The following RGMA variants were observed in gnomAD, a reference collection of about 807,000 sequenced individuals.
RGMA encodes the protein repulsive guidance molecule BMP co-receptor a.
In RGMA, 10 loss-of-function variants were observed where a neutral mutation model predicts 23.2. The observed-to-expected ratio is 0.43, with a 90% CI of 0.27 to 0.73. The LOEUF (loss-of-function observed/expected upper bound fraction) is 0.73, where lower values mean the gene tolerates loss of function less well. Ranked by LOEUF, RGMA falls within the 30% of genes least tolerant of loss-of-function variation. The probability of loss-of-function intolerance (pLI) is 0.20; values close to 1 mark genes in which losing one functional copy is unlikely to be tolerated. For synonymous variants in RGMA, 308 were observed against 279.3 expected (o/e 1.10, Z -1.03); for missense variants, 547 against 630.5 (o/e 0.87, Z 1.42).
chr15:93,052,482 C>T lies in RGMA; in HGVS notation c.156G>A (p.Lys52=), dbSNP rs1374119434. Residue 52 remains lysine, a synonymous_variant, in exon 3 of 4, where the codon AAG becomes AAA. Coordinates refer to ENST00000329082, the MANE Select transcript of RGMA (RefSeq NM_020211.3). ...TGGCGCTCCAGAACTCAGAGTTGCA[C>T]TTGAGGATCTTGCACGGGGAGGTGG... ...PAATSPCKIL[K]CNSEFWSATS... is the part of the protein sequence containing the mutation. The T allele has an allele frequency of 6.3e-7, 1 of 1,577,034 alleles. No individual in the cohort carries two copies. Among genetic ancestry groups the T allele is most frequent in the Non-Finnish European group, 8.6e-7 (1 of 1,162,848 alleles).
chr15:93,065,893 G>C, intron 2 of RGMA: 2 of 719,478 alleles, frequency 2.8e-6, no homozygotes, highest in Non-Finnish European at 5.0e-6. Context: ...AGTGCTCTCT[G>C]TAGGCTGTTG....
intron 2 of RGMA, among the ~76,000 whole-genome samples, chr15:93,056,692 G>A (rs1359866981): frequency 6.6e-6 from 1 of 152,212 alleles, no homozygotes; most frequent in Non-Finnish European, 1.5e-5. Context: ...TGGGTGGGCT[G>A]AGGGCCAGCA....
chr15:93,055,163 G>C (rs73458379), intron 2 of RGMA, among the ~76,000 whole-genome samples: 2 of 152,042 alleles, frequency 1.3e-5, no homozygotes, highest in African/African-American at 4.8e-5. Context: ...AAAATCAACC[G>C]GAAGGAACAC....
chr15:93,084,341 T>C (rs1034164461), intron 1 of RGMA, among the ~76,000 whole-genome samples: 1 of 152,240 alleles, frequency 6.6e-6, no homozygotes, highest in Non-Finnish European at 1.5e-5. Context: ...GGCAGAATGG[T>C]ATTCCGGCAA....
rs947297712 is a variant in RGMA at position 93,043,090 on chromosome 15, T to C, written c.*1908A>G. 3.9e-5 allele frequency: 6 copies of C among 152,318 alleles called. No homozygotes were observed. Among genetic ancestry groups the C allele is most frequent in the Admixed American group, 6.5e-5 (1 of 15,288 alleles). The allele number at this position is 152,318 out of a possible 1,614,324, so 9.4% of individuals were successfully genotyped here. A position where few individuals can be genotyped will look rare whatever the true frequency, so the allele number is the denominator to read the frequency against. On this transcript the variant is annotated 3_prime_UTR_variant, in exon 4 of 4. Transcript: ENST00000329082. Reference sequence around the variant, plus strand: ...TCATCGTGAGGAGGAAAAGTGACTTTACAAAAGCAATGTGTGGTGGCTGTT... The same window carrying C: ...TCATCGTGAGGAGGAAAAGTGACTTCACAAAAGCAATGTGTGGTGGCTGTT...
At chr15:93,053,694 G>A (rs1484505168) in intron 2 of RGMA, among the ~76,000 whole-genome samples, 1 of 152,160 alleles carries the variant, frequency 6.6e-6, no homozygotes, top group Non-Finnish European at 1.5e-5. Flanking sequence ...GTGCAGCCCT[G>A]GACCTGGGTG....
At chr15:93,059,997 G>A (rs933261477) in intron 2 of RGMA, among the ~76,000 whole-genome samples, 1 of 152,212 alleles carries the variant, frequency 6.6e-6, no homozygotes, top group African/African-American at 2.4e-5. Context: ...AAGCTGCGTT[G>A]AACACAGAGC....
intron 3 of RGMA, among the ~76,000 whole-genome samples, chr15:93,046,982 C>T (rs938613190): frequency 5.3e-5 from 8 of 152,214 alleles, no homozygotes; most frequent in Non-Finnish European, 1.0e-4. Context: ...CTTCCAGTCT[C>T]GTGTGACACT....
chr15:93,073,773 C>T, intron 1 of RGMA: 1 of 1,536,978 alleles, frequency 6.5e-7, no homozygotes, highest in Non-Finnish European at 8.7e-7. Flanking sequence ...TGGGTTTGGC[C>T]TGCCTCCAGC....
intron 2 of RGMA, among the ~76,000 whole-genome samples, chr15:93,067,865 C>T (rs971683793): frequency 1.1e-4 from 17 of 151,988 alleles, no homozygotes; most frequent in African/African-American, 4.1e-4. Context: ...TGGCGAGGAT[C>T]GGGGGAGGCA....
rs141459001 is a variant in RGMA at position 93,064,239 on chromosome 15, C to A, written c.130+8677G>T. On this transcript the variant is annotated intron_variant, in intron 2 of 3. Transcript: ENST00000329082. ...AAGGGCTGGACACAGGATTCCACGCCGGCACCATCCTGTCTCAGGGCAGAG... is the reference window on the plus strand; with the variant it reads ...AAGGGCTGGACACAGGATTCCACGCAGGCACCATCCTGTCTCAGGGCAGAG... Among the ~76,000 whole-genome samples, 422 of 152,342 alleles carry A rather than the reference C, an allele frequency of 2.8e-3. 1 individual carries two copies. The highest frequency in any genetic ancestry group is 9.7e-3 in the African/African-American group (402 of 41,572).
intron 2 of RGMA, among the ~76,000 whole-genome samples, chr15:93,055,821 T>C (rs2055004719): frequency 6.6e-6 from 1 of 152,102 alleles, no homozygotes; most frequent in Non-Finnish European, 1.5e-5. Flanking sequence ...ACCCTCCAAA[T>C]GGGTAACTCC....
chr15:93,064,066 C>T (rs1038425331), intron 2 of RGMA, among the ~76,000 whole-genome samples: 3 of 152,198 alleles, frequency 2.0e-5, no homozygotes. Flanking sequence ...ACCCTCCCAT[C>T]CCCCAGTTCC....
chr15:93,078,754 G>A (rs1895513035), intron 1 of RGMA, among the ~76,000 whole-genome samples: 1 of 152,202 alleles, frequency 6.6e-6, no homozygotes, highest in African/African-American at 2.4e-5. Context: ...TGCCAGGTTT[G>A]GGTAGAGCCC....
At chr15:93,075,618 C>G (rs896043110) in intron 1 of RGMA, among the ~76,000 whole-genome samples, 5 of 151,878 alleles carry the variant, frequency 3.3e-5, no homozygotes, top group Non-Finnish European at 7.4e-5. Flanking sequence ...CTTTTAACCT[C>G]TACATTTCAG....
intron 3 of RGMA, among the ~76,000 whole-genome samples, chr15:93,046,796 C>T (rs181691057): frequency 1.3e-5 from 2 of 150,524 alleles, no homozygotes; most frequent in East Asian, 1.9e-4. Context: ...CCAGGCTGAA[C>T]GGGCAGCCTT....
intron 1 of RGMA, among the ~76,000 whole-genome samples, chr15:93,084,754 T>C (rs937344508): frequency 6.6e-6 from 1 of 152,070 alleles, no homozygotes; most frequent in African/African-American, 2.4e-5. Context: ...ATTACAGGAG[T>C]GAACCACCGT....
intron 2 of RGMA, among the ~76,000 whole-genome samples, chr15:93,059,178 C>T (rs2055062892): frequency 2.6e-5 from 4 of 152,168 alleles, no homozygotes; most frequent in Admixed American, 2.6e-4. Flanking sequence ...TGCCACAAGT[C>T]CCTCCTCAGG....
intron 2 of RGMA, chr15:93,066,422 C>A: frequency 1.5e-6 from 1 of 648,732 alleles, no homozygotes. Flanking sequence ...GTTTCCAAGG[C>A]CGCCGTCGTT....
Sources: allele counts gnomAD v4.1 joint callset (sites outside exome capture counted in the v4.1 genomes callset), GRCh38; gene constraint gnomAD v4.1.1; transcripts MANE v1.5; gene names NCBI Gene and HGNC (gene_info 2026-07-23, HGNC 2026-07-21).